Variants in ARID4B observed in about 807,000 individuals in gnomAD.
The protein encoded by ARID4B is AT-rich interactive domain-containing protein 4B.
Under a neutral mutation model 147.5 loss-of-function variants are expected in ARID4B, and 26 were observed. The ratio of observed to expected loss-of-function variants is 0.18; its 90% CI spans 0.13 to 0.24. The LOEUF (loss-of-function observed/expected upper bound fraction) is 0.24, where lower values mean the gene tolerates loss of function less well. Ranked by LOEUF, ARID4B falls within the 10% of genes least tolerant of loss-of-function variation. ARID4B has a pLI of 1.00. For missense variants in ARID4B, 1,179 were observed against 1,511.5 expected, an observed-to-expected ratio of 0.78 and a Z score of 3.65; for synonymous variants, 512 against 507.9, an observed-to-expected ratio of 1.01 and a Z score of -0.11.
intron 2 of ARID4B, among the ~76,000 whole-genome samples, chr1:235,321,065 C>T (rs1295305709): frequency 6.6e-6 from 1 of 152,162 alleles, no homozygotes; most frequent in African/African-American, 2.4e-5. Context: ...CTGCTGCATC[C>T]TCAAAACCCA....
chr1:235,294,422 CCCG>C, intron 2 of ARID4B, among the ~76,000 whole-genome samples: 1 of 123,268 alleles, frequency 8.1e-6, no homozygotes, highest in Non-Finnish European at 1.7e-5. Flanking sequence ...AAGCAATTCT[CCCG>C]CTTGAACCCA....
intron 2 of ARID4B, among the ~76,000 whole-genome samples, chr1:235,294,306 G>T: frequency 2.4e-5 from 3 of 127,452 alleles, no homozygotes; most frequent in East Asian, 2.1e-4. Context: ...ATGCAAACCA[G>T]CAGCATTTTT....
At position 235,194,016 on chromosome 1, in the gene ARID4B, G is replaced by T; in HGVS notation, c.2122C>A (p.Gln708Lys). ...ACAGAACGATTGTTATGTTTACCTT[G>T]AAGTCCATTAAGGATCGAAGTAATT... ...IEITSILNGL[Q>K]ASESSAEDSE... is the part of the protein sequence containing the mutation. The change falls in exon 19 of 24, where the codon CAA becomes AAA. Residue 708 changes from glutamine (Q) to lysine (K), a missense_variant. Around this residue, in one of 10 missense-constraint regions of ARID4B, gnomAD observed 321 missense variants for 342.4 expected, o/e 0.94. Transcript: ENST00000264183. 1 of 1,588,412 alleles carries T rather than the reference G, an allele frequency of 6.3e-7. No individual in the cohort carries two copies. The highest frequency in any genetic ancestry group is 8.6e-7 in the Non-Finnish European group (1 of 1,158,326).
chr1:235,251,640 TAA>T (rs1558247149), intron 6 of ARID4B, among the ~76,000 whole-genome samples: 120 of 151,096 alleles, frequency 7.9e-4, no homozygotes, highest in African/African-American at 2.9e-3. Flanking sequence ...CACTACTAAA[TAA>T]GTAATATTAA....
At chr1:235,228,969 CATT>C in intron 11 of ARID4B, 1 of 356,308 alleles carries the variant, frequency 2.8e-6, no homozygotes, top group South Asian at 3.5e-5. Context: ...TTAATCATCT[CATT>C]AAAAAAAGCA....
chr1:235,290,166 T>C (rs1672247667), intron 2 of ARID4B, among the ~76,000 whole-genome samples: 1 of 152,042 alleles, frequency 6.6e-6, no homozygotes, highest in Non-Finnish European at 1.5e-5. Flanking sequence ...AGAATGTAAA[T>C]CTGTATAACC....
chr1:235,238,148 A>AAAAAAAAAAAAAAAG, intron 8 of ARID4B, among the ~76,000 whole-genome samples: 1 of 115,894 alleles, frequency 8.6e-6, no homozygotes, highest in Non-Finnish European at 1.9e-5. Flanking sequence ...CATCTCAAAA[A>AAAAAAAAAAAAAAAG]AAAAAAAAAG....
At chr1:235,225,094 A>T (rs16832489) in intron 11 of ARID4B, among the ~76,000 whole-genome samples, 1 of 152,038 alleles carries the variant, frequency 6.6e-6, no homozygotes, top group African/African-American at 2.4e-5. Context: ...CATATGAGAG[A>T]GCTATTTTTC....
intron 7 of ARID4B, among the ~76,000 whole-genome samples, chr1:235,243,173 A>T (rs984992409): frequency 3.9e-5 from 6 of 152,146 alleles, no homozygotes; most frequent in Non-Finnish European, 7.4e-5. Context: ...TTCATAAAAT[A>T]AAAAAGATGC....
At chr1:235,218,719 G>C (rs1667249717) in intron 16 of ARID4B, among the ~76,000 whole-genome samples, 1 of 151,834 alleles carries the variant, frequency 6.6e-6, no homozygotes, top group South Asian at 2.1e-4. Flanking sequence ...ACAGCAGTAA[G>C]GCATACTTCA....
intron 2 of ARID4B, among the ~76,000 whole-genome samples, chr1:235,280,210 C>T (rs1409726832): frequency 6.7e-6 from 1 of 150,164 alleles, no homozygotes; most frequent in African/African-American, 2.4e-5. Context: ...TTACTCCACC[C>T]ATTAATAAAA....
rs75638275 is a variant in ARID4B at position 235,217,762 on chromosome 1, C to T, written c.1583+2031G>A. Reference sequence around the variant, plus strand: ...CTATTACTTAGAGAAAGTTTATATGCCAGAAAAATACCTATATATTAATTA... The same window carrying T: ...CTATTACTTAGAGAAAGTTTATATGTCAGAAAAATACCTATATATTAATTA... On this transcript the variant is annotated intron_variant, in intron 16 of 23. Coordinates refer to ENST00000264183, the MANE Select transcript of ARID4B (RefSeq NM_016374.6). Among the ~76,000 whole-genome samples the T allele has an allele frequency of 5.6e-3, 850 of 152,182 alleles. 10 individuals carry two copies. The highest frequency in any genetic ancestry group is 0.02 in the African/African-American group (812 of 41,530).
chr1:235,185,204 A>G (rs1482765488), intron 19 of ARID4B, among the ~76,000 whole-genome samples: 1 of 152,132 alleles, frequency 6.6e-6, no homozygotes, highest in African/African-American at 2.4e-5. Context: ...CATCCTTTCT[A>G]TATATAGTTA....
chr1:235,322,839 G>C (rs1464868285), intron 2 of ARID4B, among the ~76,000 whole-genome samples: 1 of 151,764 alleles, frequency 6.6e-6, no homozygotes, highest in Non-Finnish European at 1.5e-5. Context: ...AGGGGGGAAC[G>C]AACTGACAGA....
chr1:235,174,743 T>TG (rs761516336), intron 22 of ARID4B, among the ~76,000 whole-genome samples: 2 of 151,292 alleles, frequency 1.3e-5, no homozygotes, highest in South Asian at 2.1e-4. Context: ...ACCAGGGAGA[T>TG]GGAGGTTGCA....
intron 12 of ARID4B, 78 bp from the exon 13 acceptor site, chr1:235,223,338 A>G: frequency 5.2e-6 from 2 of 384,768 alleles, no homozygotes; most frequent in Non-Finnish European, 8.2e-6. Flanking sequence ...AAATAATACA[A>G]GTATTTATAG....
rs1426582533 is a variant in ARID4B, at chr1:235,236,862, A to ATATATATATTT, written c.586-2371_586-2370insAAATATATATA. On this transcript the variant is annotated intron_variant, in intron 8 of 23. Coordinates refer to ENST00000264183, the MANE Select transcript of ARID4B (RefSeq NM_016374.6). ...TATATATATATATATATATATATAT[A>ATATATATATTT]TTTTTTTTTTTTTTTTTTTTTTTTT... is the stretch of plus-strand genomic sequence containing the variant. Among the ~76,000 whole-genome samples the ATATATATATTT allele has an allele frequency of 1.1e-4, 2 of 17,492 alleles. 1 individual carries two copies. 11.5% of individuals were successfully genotyped at this position (17,492 alleles called of 152,430 possible). A position where few individuals can be genotyped will look rare whatever the true frequency, so the allele number is the denominator to read the frequency against.
intron 17 of ARID4B, among the ~76,000 whole-genome samples, chr1:235,198,469 G>A (rs1473271701): frequency 4.6e-5 from 7 of 152,302 alleles, no homozygotes; most frequent in Admixed American, 3.3e-4. Flanking sequence ...CAGATATAAT[G>A]TATGTTGTTT....
chr1:235,299,883 T>C (rs1340982957), intron 2 of ARID4B, among the ~76,000 whole-genome samples: 1 of 152,212 alleles, frequency 6.6e-6, no homozygotes, highest in Admixed American at 6.5e-5. Flanking sequence ...GCAAAAAATA[T>C]AGAACTAAAA....
Sources: gnomAD v4.1 joint callset for allele counts (sites outside exome capture counted in the v4.1 genomes callset) on GRCh38, gnomAD v4.1.1 for gene constraint, gnomAD v4.1.1 regional missense constraint, MANE v1.5 for transcripts, NCBI Gene and HGNC (gene_info 2026-07-23, HGNC 2026-07-21) for gene names.